PAK3: variants seen among roughly 807,000 people sequenced by gnomAD.
PAK3 encodes the protein serine/threonine-protein kinase PAK 3.
Under a neutral mutation model 41.0 loss-of-function variants are expected in PAK3, and 4 were observed. That is an observed-to-expected ratio of 0.10 (90% CI 0.05 to 0.22). The LOEUF (loss-of-function observed/expected upper bound fraction) is 0.22, where lower values mean the gene tolerates loss of function less well. Among genes scored for constraint, PAK3 ranks in the 10% least tolerant of loss-of-function variants. The pLI is 1.00. For missense variants in PAK3, 205 were observed against 409.9 expected, an observed-to-expected ratio of 0.50 and a Z score of 4.32; for synonymous variants, 146 against 139.6, an observed-to-expected ratio of 1.05 and a Z score of -0.32.
At chrX:111,137,841 G>T (rs1362991642) in intron 5 of PAK3, among the ~76,000 whole-genome samples, 1 of 111,668 alleles carries the variant, frequency 9.0e-6, no homozygotes, top group Non-Finnish European at 1.9e-5. Context: ...CTTAGAAAGT[G>T]ATACTTTTTT....
At chrX:110,987,735 T>A (rs2091571930) in intron 1 of PAK3, among the ~76,000 whole-genome samples, 1 of 112,182 alleles carries the variant, frequency 8.9e-6, no homozygotes, top group African/African-American at 3.2e-5. Context: ...GTGGTTGACC[T>A]GGAATTTGGG....
chrX:111,006,166 C>A (rs967102407), intron 1 of PAK3, among the ~76,000 whole-genome samples: 1 of 112,103 alleles, frequency 8.9e-6, no homozygotes, highest in African/African-American at 3.2e-5. Flanking sequence ...AGCATTGGTA[C>A]TTTTTAAAAG....
In PAK3 at chrX:111,193,332, G is replaced by T. The variant is rs565305311; in HGVS notation, c.992+714G>T. Among the ~76,000 whole-genome samples the T allele has an allele frequency of 2.5e-4, 26 of 105,004 alleles. No homozygotes were observed. The South Asian group carries it at 5.9e-3, about 24-fold the overall frequency. The allele number at this position is 105,004 out of a possible 115,157, so 91.2% of individuals were successfully genotyped here. On this transcript the variant is annotated intron_variant, in intron 13 of 17. Transcript: ENST00000372007. ...GGAAAAACTGGGAGGAAAAAAGAGG[G>T]TTAAATTTTACAGTCCTTTTTTTTT...
intron 1 of PAK3, among the ~76,000 whole-genome samples, chrX:110,995,072 T>C (rs1331480774): frequency 8.9e-6 from 1 of 111,777 alleles, no homozygotes; most frequent in African/African-American, 3.3e-5. Context: ...CTCCTATTTG[T>C]GTTTACGTCT....
At chrX:111,170,345 T>C (rs1486890222) in intron 10 of PAK3, among the ~76,000 whole-genome samples, 1 of 109,762 alleles carries the variant, frequency 9.1e-6, no homozygotes, top group Non-Finnish European at 1.9e-5. Flanking sequence ...TAACTTAATT[T>C]AAAAGTGAAC....
At chrX:111,066,355 A>AT (rs2092701546) in intron 1 of PAK3, among the ~76,000 whole-genome samples, 1 of 111,812 alleles carries the variant, frequency 8.9e-6, no homozygotes, top group African/African-American at 3.2e-5. Context: ...ACATAATTTA[A>AT]TTTTCACATA....
intron 16 of PAK3, among the ~76,000 whole-genome samples, chrX:111,211,875 A>G (rs980742129): frequency 9.0e-6 from 1 of 110,570 alleles, no homozygotes; most frequent in Non-Finnish European, 1.9e-5. Flanking sequence ...GAGACCTGTG[A>G]TGAGATAAGA....
In PAK3 at chrX:111,016,913, A is replaced by G. The variant is rs188815126; in HGVS notation, c.-28+72285A>G. ...TTTTCTGACCTGTTACTTTATTTTA[A>G]AATTAATGTTGCCTTTGGGGCTCTC... On this transcript the variant is annotated intron_variant, in intron 1 of 14. Coordinates refer to the PAK3 transcript ENST00000425146. Among the ~76,000 whole-genome samples, 17 of 111,418 alleles carry G rather than the reference A, an allele frequency of 1.5e-4. 1 individual carries two copies. Among genetic ancestry groups the G allele is most frequent in the Admixed American group, 1.4e-3 (15 of 10,462 alleles).
At position 111,080,111 on chromosome X, in the gene PAK3, C is replaced by A. The variant is rs753971309; in HGVS notation, c.-27-42966C>A. Among the ~76,000 whole-genome samples, 362 of 112,449 alleles carry A rather than the reference C, an allele frequency of 3.2e-3. 1 individual carries two copies. Among genetic ancestry groups the A allele is most frequent in the Non-Finnish European group, 4.6e-3 (245 of 53,282 alleles). On this transcript the variant is annotated intron_variant, in intron 1 of 14. Transcript: ENST00000425146. ...AAATAACAAAGGATTTGGGATATTA[C>A]ATGAACTTAGTTGATAAAGCATCAG... is the stretch of plus-strand genomic sequence containing the variant.
At chrX:111,144,745 C>T in intron 6 of PAK3, 3 of 402,674 alleles carry the variant, frequency 7.5e-6, no homozygotes, top group Admixed American at 4.1e-5. Flanking sequence ...CCTTGTATAC[C>T]TGGTCATACA....
intron 16 of PAK3, among the ~76,000 whole-genome samples, chrX:111,207,403 A>G (rs1027976379): frequency 9.0e-5 from 10 of 111,417 alleles, no homozygotes; most frequent in Non-Finnish European, 1.7e-4. Flanking sequence ...ACAATAAAGT[A>G]TGACAACTAC....
At chrX:111,014,744 C>A (rs6642849) in intron 1 of PAK3, among the ~76,000 whole-genome samples, 4,619 of 111,786 alleles carry the variant, frequency 0.041, 217 homozygotes, top group African/African-American at 0.14. Context: ...TCCTGTCTGA[C>A]TTGCATTCAC....
At chrX:111,024,332 C>T (rs985603102) in intron 1 of PAK3, among the ~76,000 whole-genome samples, 3 of 111,436 alleles carry the variant, frequency 2.7e-5, no homozygotes, top group African/African-American at 9.8e-5. Context: ...AGAGTGATGC[C>T]TCCAGCTTTG....
chrX:111,071,366 A>G, intron 1 of PAK3, among the ~76,000 whole-genome samples: 1 of 112,260 alleles, frequency 8.9e-6, no homozygotes, highest in East Asian at 2.8e-4. Context: ...CATCACTTTA[A>G]GCATTCTGTG....
intron 1 of PAK3, among the ~76,000 whole-genome samples, chrX:111,038,027 C>T (rs1275043425): frequency 9.0e-6 from 1 of 111,391 alleles, no homozygotes; most frequent in Admixed American, 9.6e-5. Flanking sequence ...AATTATTTGA[C>T]CTCCCTATGC....
chrX:110,990,949 C>T (rs980161968), intron 1 of PAK3, among the ~76,000 whole-genome samples: 1 of 110,110 alleles, frequency 9.1e-6, no homozygotes, highest in Admixed American at 9.7e-5. Context: ...GGCAACATAG[C>T]AAAACCTCAT....
chrX:111,059,953 A>G (rs1237019356), intron 1 of PAK3, among the ~76,000 whole-genome samples: 3 of 111,516 alleles, frequency 2.7e-5, no homozygotes, highest in Non-Finnish European at 5.7e-5. Context: ...TATGGCCAGA[A>G]TCCTCAGTAC....
In PAK3 at chrX:111,220,959, A is replaced by C. The variant is rs200719834; in HGVS notation, c.*512A>C. On this transcript the variant is annotated 3_prime_UTR_variant, in exon 18 of 18. Coordinates refer to ENST00000372007, the MANE Select transcript of PAK3 (RefSeq NM_002578.5). ...AAAAAGCAAGGCAAAAAAAAAAAAA[A>C]AAACAAACAAAAACAAAAACAAAAC... 94 of 109,816 alleles carry C rather than the reference A, an allele frequency of 8.6e-4. No individual in the cohort carries two copies. The highest frequency in any genetic ancestry group is 2.6e-3 in the East Asian group (9 of 3,526). 9.1% of individuals were successfully genotyped at this position (109,816 alleles called of 1,213,427 possible).
chrX:111,202,411 A>C (rs1365480371), intron 16 of PAK3, among the ~76,000 whole-genome samples: 2 of 111,313 alleles, frequency 1.8e-5, no homozygotes, highest in Admixed American at 9.6e-5. Flanking sequence ...CTTTGTACTC[A>C]ACATAATTGG....
Sources: allele counts gnomAD v4.1 joint callset (sites outside exome capture counted in the v4.1 genomes callset), GRCh38; gene constraint gnomAD v4.1.1; transcripts MANE v1.5; gene names NCBI Gene and HGNC (gene_info 2026-07-23, HGNC 2026-07-21).